NRXN2: variants seen among roughly 807,000 people sequenced by gnomAD.
NRXN2 encodes the protein neurexin 2.
A neutral mutation model predicts 128.8 loss-of-function variants in NRXN2; 29 were observed. The observed-to-expected ratio is 0.23, with a 90% CI of 0.17 to 0.31. The LOEUF (loss-of-function observed/expected upper bound fraction) is 0.31, where lower values mean the gene tolerates loss of function less well. Among genes scored for constraint, NRXN2 ranks in the 10% least tolerant of loss-of-function variants. The pLI is 1.00. For missense variants in NRXN2, 1,881 were observed against 2,452.6 expected, an observed-to-expected ratio of 0.77 and a Z score of 4.92; for synonymous variants, 1,098 against 1,075.2, an observed-to-expected ratio of 1.02 and a Z score of -0.41.
Position 64,623,113 on chromosome 11 carries a change from C to T in NRXN2, c.3848-35G>A. On this transcript the variant is annotated intron_variant, in intron 20 of 22. Transcript: ENST00000265459. The surrounding 1 kb of genome is among the most constrained non-coding windows in gnomAD (Gnocchi z 4.9). ...GTGGAAGGGGGTGACAGAGAAGGGGCAGGCAGTGAGGGGAGACCAGGAAGG... is the reference window on the plus strand; with the variant it reads ...GTGGAAGGGGGTGACAGAGAAGGGGTAGGCAGTGAGGGGAGACCAGGAAGG... 6.4e-7 allele frequency: 1 copy of T among 1,574,548 alleles called. No individual in the cohort carries two copies. Among genetic ancestry groups the T allele is most frequent in the Non-Finnish European group, 8.6e-7 (1 of 1,158,070 alleles).
At position 64,614,450 on chromosome 11, in the gene NRXN2, AAGG is replaced by A. The variant is rs202038336; in HGVS notation, c.4252+5841_4252+5843del. 4.9e-3 allele frequency among the ~76,000 whole-genome samples: 753 copies of A among 152,302 alleles called. 4 individuals are homozygous for A. The highest frequency in any genetic ancestry group is 0.017 in the African/African-American group (714 of 41,564). ...TGGGCTATCATGCTACAGCACCCCC[AAGG>A]AGGACATTGTTCCCAACACCCACTT... is the stretch of plus-strand genomic sequence containing the variant. On this transcript the variant is annotated intron_variant, in intron 22 of 22. Coordinates refer to ENST00000265459, the MANE Select transcript of NRXN2 (RefSeq NM_015080.4).
chr11:64,678,091 C>T (rs1055097623), intron 6 of NRXN2, among the ~76,000 whole-genome samples: 4 of 152,192 alleles, frequency 2.6e-5, no homozygotes, highest in African/African-American at 9.6e-5. Context: ...GGGGCAGCTC[C>T]TCTGTTTTTG....
At chr11:64,649,078 A>G (rs1591790715) in intron 15 of NRXN2, among the ~76,000 whole-genome samples, 171 bp from the exon 16 acceptor site, 1 of 151,570 alleles carries the variant, frequency 6.6e-6, no homozygotes, top group Non-Finnish European at 1.5e-5. Flanking sequence ...CCCCCAACAC[A>G]CTTCTTCCTT....
chr11:64,704,917 C>T (rs1165029894), intron 2 of NRXN2, among the ~76,000 whole-genome samples: 1 of 152,140 alleles, frequency 6.6e-6, no homozygotes, highest in East Asian at 1.9e-4. Context: ...GTGTGTAACA[C>T]ATTGTGAAGA....
intron 9 of NRXN2, among the ~76,000 whole-genome samples, chr11:64,664,478 CAAAAA>C (rs11378464): frequency 1.0e-5 from 1 of 98,672 alleles, no homozygotes; most frequent in Non-Finnish European, 2.4e-5. Flanking sequence ...AACTCCGTGT[CAAAAA>C]AAAAAAAAAA....
chr11:64,695,334 C>A (rs2054352912), intron 3 of NRXN2, among the ~76,000 whole-genome samples: 1 of 152,124 alleles, frequency 6.6e-6, no homozygotes, highest in South Asian at 2.1e-4. Context: ...CTTTGCCCTG[C>A]CACTAGAGGC....
chr11:64,645,396 T>C (rs2046490977), intron 17 of NRXN2, among the ~76,000 whole-genome samples: 1 of 151,410 alleles, frequency 6.6e-6, no homozygotes, highest in Non-Finnish European at 1.5e-5. Flanking sequence ...ATGTAAGAGA[T>C]CAATAGAGAC....
Position 64,607,923 on chromosome 11 carries a change from G to A in NRXN2, c.4412C>T (p.Pro1471Leu), listed in dbSNP as rs370931744. 1 of 1,556,036 alleles carries A rather than the reference G, an allele frequency of 6.4e-7. No homozygotes were observed. The highest frequency in any genetic ancestry group is 1.9e-5 in the Admixed American group (1 of 51,910). The stretch of plus-strand genomic sequence containing the variant: ...GGCCTGGCACGGGCCCCCAGAGGGC[G>A]GGCGGCGCGCGGCGGGCGGGGGCAG... ...DTLPPPAARRPPSGGPCQAER... is the reference protein window; with the variant it reads ...DTLPPPAARRLPSGGPCQAER... The change falls in exon 23 of 23, where the codon CCG becomes CTG. Residue 1471 changes from proline (P) to leucine (L), a missense_variant. Around this residue, in one of 7 missense-constraint regions of NRXN2, gnomAD observed 310 missense variants for 318.2 expected, o/e 0.97. Transcript: ENST00000265459.
At position 64,660,907 on chromosome 11, in the gene NRXN2, C is replaced by G. The variant is rs752173659; in HGVS notation, c.2031G>C (p.Gln677His). 6.2e-7 allele frequency: 1 copy of G among 1,613,646 alleles called. No individual in the cohort carries two copies. The highest frequency in any genetic ancestry group is 8.5e-7 in the Non-Finnish European group (1 of 1,179,744). ...AAAAGGGGGCAACGCCCACAGCCCC[C>G]TGAGCCTCAGCCAGGCCCCGGAGGT... is the stretch of plus-strand genomic sequence containing the variant. ...SRDLRGLAEAQGAVGVAPFCS... is the reference protein window; with the variant it reads ...SRDLRGLAEAHGAVGVAPFCS... The change falls in exon 10 of 23, where the codon CAG becomes CAC. Residue 677 changes from glutamine (Q) to histidine (H), a missense_variant. Around this residue, in one of 7 missense-constraint regions of NRXN2, gnomAD observed 997 missense variants for 1,240.8 expected, o/e 0.80. Transcript: ENST00000265459. This position sits in a 1 kb window ranked among gnomAD's most constrained non-coding sequence, Gnocchi z 5.2.
At chr11:64,662,664 C>CA (rs2049204666) in intron 9 of NRXN2, among the ~76,000 whole-genome samples, 3 of 152,056 alleles carry the variant, frequency 2.0e-5, no homozygotes, top group Admixed American at 2.0e-4. Context: ...CGCCTGTAGT[C>CA]CCAGATACTC....
chr11:64,622,745 G>A lies in NRXN2; in HGVS notation c.4173+8C>T, dbSNP rs879117896. On this transcript the variant is annotated splice_region_variant and intron_variant, in intron 21 of 22. Transcript: ENST00000265459. The surrounding 1 kb of genome is among the most constrained non-coding windows in gnomAD (Gnocchi z 4.3). ...TGCCCTAATCCACCAGCCAGAGTGG[G>A]GCCTCACCTGGGTGGTGCTGTCCCT... The A allele has an allele frequency of 1.9e-6, 3 of 1,603,658 alleles. No individual in the cohort carries two copies. Among genetic ancestry groups the A allele is most frequent in the East Asian group, 2.2e-5 (1 of 44,674 alleles).
In NRXN2 at chr11:64,630,431, C is replaced by G; in HGVS notation, c.3728G>C (p.Ser1243Thr). ...CGGGTACCGCTCGTTGACCGGCCAG[C>G]TGTCCACCTGCAGGGTGGCGTTGCC... ...SGGNATLQVD[S>T]WPVNERYPAG... The change falls in exon 19 of 23, where the codon AGC becomes ACC. Residue 1243 changes from serine (S) to threonine (T), a missense_variant. Coordinates refer to ENST00000265459, the MANE Select transcript of NRXN2 (RefSeq NM_015080.4). The surrounding 1 kb of genome is among the most constrained non-coding windows in gnomAD (Gnocchi z 4.6). The G allele has an allele frequency of 1.2e-6, 2 of 1,613,088 alleles. No homozygotes were observed. The highest frequency in any genetic ancestry group is 1.7e-6 in the Non-Finnish European group (2 of 1,179,798).
At chr11:64,704,621 CACAGAGAGAGAG>C (rs1284110972) in intron 2 of NRXN2, among the ~76,000 whole-genome samples, 1 of 88,930 alleles carries the variant, frequency 1.1e-5, no homozygotes. Flanking sequence ...CACACACACA[CACAGAGAGAGAG>C]AGAGAGAGAG....
chr11:64,720,772 T>TG (rs1322660422), intron 1 of NRXN2, among the ~76,000 whole-genome samples: 1 of 152,054 alleles, frequency 6.6e-6, no homozygotes, highest in East Asian at 1.9e-4. Flanking sequence ...ATGAGCTTGC[T>TG]GGGGGGCAGG....
chr11:64,678,165 G>A (rs1433972538), intron 6 of NRXN2, among the ~76,000 whole-genome samples: 1 of 152,002 alleles, frequency 6.6e-6, no homozygotes, highest in Non-Finnish European at 1.5e-5. Context: ...CACCAGAACA[G>A]GGAAAAGGAA....
chr11:64,642,545 C>T (rs1388711635), intron 17 of NRXN2: 1 of 1,608,472 alleles, frequency 6.2e-7, no homozygotes, highest in African/African-American at 1.3e-5. Context: ...TTACCGTGGC[C>T]GCCGCGGGTG....
In NRXN2 at chr11:64,606,847, T is replaced by C. The variant is rs965008746; in HGVS notation, c.*349A>G. ...TGAGGAAAATTAACAGGACGAGCAG[T>C]GGACACTTTACAAAACCCCCAGCCT... On this transcript the variant is annotated 3_prime_UTR_variant, in exon 23 of 23. Transcript: ENST00000265459. The C allele has an allele frequency of 4.9e-5, 14 of 288,392 alleles. No individual in the cohort carries two copies. The highest frequency in any genetic ancestry group is 7.2e-5 in the Non-Finnish European group (11 of 152,204). The allele number at this position is 288,392 out of a possible 1,614,324, so 17.9% of individuals were successfully genotyped here.
Position 64,661,139 on chromosome 11 carries a change from C to A in NRXN2, c.1799G>T (p.Gly600Val). 1 of 1,613,468 alleles carries A rather than the reference C, an allele frequency of 6.2e-7. No individual in the cohort carries two copies. Among genetic ancestry groups the A allele is most frequent in the Non-Finnish European group, 8.5e-7 (1 of 1,180,024 alleles). ...HVDFQRDGRK[G>V]SISVNSRSTP... Reference sequence around the variant, plus strand: ...GCTGCGACTATTCACTGAGATGGAGCCTGGGAATCAAGGGAAGGCAGGATG... The same window carrying A: ...GCTGCGACTATTCACTGAGATGGAGACTGGGAATCAAGGGAAGGCAGGATG... The change falls in exon 10 of 23, where the codon GGC becomes GTC. Residue 600 changes from glycine to valine, a missense_variant and splice_region_variant. Gly to Val is a moderately radical substitution (Grantham distance 109). Transcript: ENST00000265459.
chr11:64,642,509 C>G, intron 17 of NRXN2: 1 of 1,596,906 alleles, frequency 6.3e-7, no homozygotes. Context: ...CCGGGCCAAC[C>G]GGGTGGCCGG....
Sources: gnomAD v4.1 joint callset for allele counts (sites outside exome capture counted in the v4.1 genomes callset) on GRCh38, gnomAD v4.1.1 for gene constraint, gnomAD v4.1.1 regional missense constraint, Gnocchi (gnomAD v3.1) non-coding constraint, MANE v1.5 for transcripts, NCBI Gene and HGNC (gene_info 2026-07-23, HGNC 2026-07-21) for gene names.